Variants in MCM9 observed in about 807,000 individuals in gnomAD.
MCM9 encodes minichromosome maintenance 9 homologous recombination repair factor, also known as DNA helicase MCM9.
A neutral mutation model predicts 72.8 loss-of-function variants in MCM9; 55 were observed. The observed-to-expected ratio is 0.76, with a 90% CI of 0.61 to 0.95. The LOEUF (loss-of-function observed/expected upper bound fraction) is 0.95. MCM9 is among the 40% of genes least tolerant of loss of function. MCM9 has a pLI of 0.00. For synonymous variants in MCM9, 480 were observed against 503.4 expected (o/e 0.95, Z 0.62); for missense variants, 1,279 against 1,377.0 (o/e 0.93, Z 1.13).
chr6:118,869,599 C>CAA lies in MCM9; in HGVS notation c.1151-13056_1151-13055dup. Among the ~76,000 whole-genome samples, 36 of 58,300 alleles carry CAA rather than the reference C, an allele frequency of 6.2e-4. 1 individual carries two copies. Among genetic ancestry groups the CAA allele is most frequent in the African/African-American group, 1.6e-3 (27 of 16,828 alleles). 38.2% of individuals were successfully genotyped at this position (58,300 alleles called of 152,430 possible). On this transcript the variant is annotated intron_variant, in intron 8 of 13. Coordinates refer to ENST00000619706, the MANE Select transcript of MCM9 (RefSeq NM_017696.3). ...AGAGGAAAAAGAAACAAAGGATTTA[C>CAA]AAAAAAAAAAAAAAAAAAAAGAAGC...
At chr6:118,934,436 T>C (rs996625430) in intron 1 of MCM9, 4 of 152,024 alleles carry the variant, frequency 2.6e-5, no homozygotes, top group African/African-American at 9.7e-5. Flanking sequence ...GACAGGAGAG[T>C]GCCTAACTGC....
In MCM9 at chr6:118,826,883, T is replaced by C; in HGVS notation, c.1733-19A>G. On this transcript the variant is annotated intron_variant, in intron 11 of 13. Transcript: ENST00000619706. ...GCATGAGCTAAGAAAACAAAACACATTTGTTTTTTAGGAATATTTGAGGTG... is the reference window on the plus strand; with the variant it reads ...GCATGAGCTAAGAAAACAAAACACACTTGTTTTTTAGGAATATTTGAGGTG... 6.5e-7 allele frequency: 1 copy of C among 1,541,960 alleles called. No individual in the cohort carries two copies. Among genetic ancestry groups the C allele is most frequent in the Non-Finnish European group, 8.8e-7 (1 of 1,142,296 alleles).
intron 13 of MCM9, among the ~76,000 whole-genome samples, chr6:118,823,516 C>T (rs1435314105): frequency 1.3e-5 from 2 of 152,214 alleles, no homozygotes; most frequent in South Asian, 2.1e-4. Context: ...TTGCTGGGAG[C>T]TGCAGACCAC....
At chr6:118,919,123 C>T (rs146046935) in intron 5 of MCM9, 27 of 152,282 alleles carry the variant, frequency 1.8e-4, no homozygotes, top group African/African-American at 6.5e-4. Flanking sequence ...GAACAATTCT[C>T]TATTATGGTC....
At position 118,931,420 on chromosome 6, in the gene MCM9, C is replaced by T; in HGVS notation, c.304G>A (p.Gly102Ser). The T allele has an allele frequency of 6.2e-7, 1 of 1,605,446 alleles. No individual in the cohort carries two copies. Among genetic ancestry groups the T allele is most frequent in the East Asian group, 2.2e-5 (1 of 44,662 alleles). ...MKQNLHARIS[G>S]LPVCPELVRE... The stretch of plus-strand genomic sequence containing the variant: ...GCAGTAAAATCCTTAAGTGATTTAC[C>T]TGATATCCTGGCATGAAGATTCTGT... Residue 102 changes from glycine to serine, a missense_variant and splice_region_variant, in exon 3 of 14, where the codon GGT becomes AGT. Gly to Ser is a moderately conservative substitution (Grantham distance 56). Transcript: ENST00000619706.
chr6:118,880,492 C>T (rs1778218369), intron 8 of MCM9, among the ~76,000 whole-genome samples: 1 of 152,130 alleles, frequency 6.6e-6, no homozygotes, highest in Admixed American at 6.5e-5. Context: ...CTTAGCAATA[C>T]AGAAAGGACT....
intron 8 of MCM9, among the ~76,000 whole-genome samples, chr6:118,882,071 T>G (rs1021493545): frequency 1.3e-5 from 2 of 152,210 alleles, no homozygotes; most frequent in Middle Eastern, 3.2e-3. Flanking sequence ...ACGATCTTCC[T>G]TCCTCCACCC....
At chr6:118,880,165 C>T (rs757178433) in intron 8 of MCM9, among the ~76,000 whole-genome samples, 67 of 150,778 alleles carry the variant, frequency 4.4e-4, no homozygotes, top group Non-Finnish European at 7.5e-4. Context: ...GTCTGTTTAG[C>T]CTAATTAAAA....
chr6:118,844,616 T>C (rs2114636133), intron 9 of MCM9, among the ~76,000 whole-genome samples: 1 of 151,960 alleles, frequency 6.6e-6, no homozygotes, highest in East Asian at 1.9e-4. Flanking sequence ...AGCTATGATC[T>C]TGGCAGAAAC....
intron 8 of MCM9, among the ~76,000 whole-genome samples, chr6:118,863,745 G>A (rs1777044775): frequency 6.6e-6 from 1 of 152,130 alleles, no homozygotes; most frequent in South Asian, 2.1e-4. Flanking sequence ...GCCATGTAAT[G>A]TCTTCTACCA....
intron 3 of MCM9, among the ~76,000 whole-genome samples, chr6:118,928,814 A>G (rs1295065621): frequency 1.3e-5 from 2 of 151,516 alleles, no homozygotes; most frequent in African/African-American, 4.9e-5. Context: ...ATTGTTGTGC[A>G]ACTGCATTCC....
chr6:118,850,486 G>A (rs1343256816), intron 9 of MCM9, among the ~76,000 whole-genome samples: 1 of 151,744 alleles, frequency 6.6e-6, no homozygotes, highest in African/African-American at 2.4e-5. Flanking sequence ...TATCAGAGAC[G>A]ACAGTTATCA....
At chr6:118,878,306 TAATAGACCTATAAGA>T (rs898348006) in intron 8 of MCM9, among the ~76,000 whole-genome samples, 3 of 152,070 alleles carry the variant, frequency 2.0e-5, no homozygotes, top group African/African-American at 7.2e-5. Context: ...AAATTAATGC[TAATAGACCTATAAGA>T]AATACTACAG....
chr6:118,853,905 CATTTAAGTCCTTTTTA>C (rs1485500126), intron 9 of MCM9, among the ~76,000 whole-genome samples: 4 of 152,106 alleles, frequency 2.6e-5, no homozygotes, highest in African/African-American at 9.7e-5. Context: ...TCTATCTCTC[CATTTAAGTCCTTTTTA>C]ATTTTCTTAA....
chr6:118,855,026 G>C (rs1776465129), intron 9 of MCM9, among the ~76,000 whole-genome samples: 3 of 152,144 alleles, frequency 2.0e-5, no homozygotes, highest in Admixed American at 6.5e-5. Flanking sequence ...ACCACATAGA[G>C]TGGAAAAAGC....
intron 9 of MCM9, among the ~76,000 whole-genome samples, chr6:118,853,129 G>A (rs183357940): frequency 1.4e-3 from 207 of 152,222 alleles, no homozygotes; most frequent in Non-Finnish European, 2.4e-3. Flanking sequence ...ATAGGTCTTT[G>A]TAGGTGGGAA....
At chr6:118,855,621 T>C (rs998193582) in intron 9 of MCM9, among the ~76,000 whole-genome samples, 1 of 152,110 alleles carries the variant, frequency 6.6e-6, no homozygotes, top group African/African-American at 2.4e-5. Flanking sequence ...CAAGTACTCA[T>C]AACTATTAGA....
At chr6:118,829,843 TTTGA>T (rs1272865537) in intron 9 of MCM9, among the ~76,000 whole-genome samples, 73 of 152,166 alleles carry the variant, frequency 4.8e-4, no homozygotes, top group African/African-American at 1.7e-3. Context: ...CTCATTTTGT[TTTGA>T]TTTTTTTTCT....
chr6:118,910,474 G>A (rs1028950893), intron 8 of MCM9: 1 of 239,122 alleles, frequency 4.2e-6, no homozygotes, highest in Non-Finnish European at 6.8e-6. Flanking sequence ...CACTAATCCA[G>A]TGAATCAGCA....
Sources: gnomAD v4.1 joint callset for allele counts (sites outside exome capture counted in the v4.1 genomes callset) on GRCh38, gnomAD v4.1.1 for gene constraint, MANE v1.5 for transcripts, NCBI Gene and HGNC (gene_info 2026-07-23, HGNC 2026-07-21) for gene names.